SULT4A1: variants seen among roughly 807,000 people sequenced by gnomAD.
The protein encoded by SULT4A1 is sulfotransferase 4A1.
In SULT4A1, 11 loss-of-function variants were observed where a neutral mutation model predicts 35.2. The ratio of observed to expected loss-of-function variants is 0.31; its 90% CI spans 0.20 to 0.52. SULT4A1 has a LOEUF of 0.52. SULT4A1 is among the 20% of genes least tolerant of loss of function. The probability of loss-of-function intolerance (pLI) is 0.97; values close to 1 mark genes in which losing one functional copy is unlikely to be tolerated. For missense variants in SULT4A1, 271 were observed against 383.7 expected, an observed-to-expected ratio of 0.71 and a Z score of 2.45; for synonymous variants, 152 against 151.8, an observed-to-expected ratio of 1.00 and a Z score of -0.01.
intron 1 of SULT4A1, among the ~76,000 whole-genome samples, chr22:43,861,865 C>CA (rs1309331606): frequency 6.6e-6 from 1 of 152,240 alleles, no homozygotes; most frequent in Non-Finnish European, 1.5e-5. Flanking sequence ...GTGACCTGTC[C>CA]AAGGTCACAC....
chr22:43,839,841 C>A, intron 3 of SULT4A1, 104 bp downstream of exon 3: 1 of 1,125,770 alleles, frequency 8.9e-7, no homozygotes, highest in Non-Finnish European at 1.3e-6. Flanking sequence ...AAGACAGCCC[C>A]CAAGGCCAGG....
chr22:43,829,672 G>A lies in SULT4A1; in HGVS notation c.604-474C>T, dbSNP rs1010421694. The stretch of plus-strand genomic sequence containing the variant: ...CCCGCTTCATCACAGGCAAGATTCC[G>A]TCATGCCTGCCATACCCTGCCCCAT... On this transcript the variant is annotated intron_variant, in intron 5 of 6. Coordinates refer to ENST00000330884, the MANE Select transcript of SULT4A1 (RefSeq NM_014351.4). 8.5e-5 allele frequency among the ~76,000 whole-genome samples: 13 copies of A among 152,296 alleles called. No individual in the cohort carries two copies. In the East Asian group the frequency reaches 1.4e-3, roughly 16 times the overall value.
At chr22:43,830,740 G>A (rs538039701) in intron 5 of SULT4A1, among the ~76,000 whole-genome samples, 11 of 152,148 alleles carry the variant, frequency 7.2e-5, no homozygotes, top group South Asian at 2.1e-4. Context: ...CACAGTGCCC[G>A]GCTCGTGGGA....
chr22:43,842,941 C>T (rs1299279162), intron 1 of SULT4A1, among the ~76,000 whole-genome samples: 2 of 151,338 alleles, frequency 1.3e-5, no homozygotes, highest in African/African-American at 4.9e-5. Flanking sequence ...TATTGGACCA[C>T]TCCAGGCCTT....
chr22:43,844,110 C>T (rs1254348751), intron 1 of SULT4A1, among the ~76,000 whole-genome samples: 1 of 152,206 alleles, frequency 6.6e-6, no homozygotes, highest in Non-Finnish European at 1.5e-5. Context: ...CTGTCCGCCA[C>T]AGGAGGCCTC....
intron 1 of SULT4A1, among the ~76,000 whole-genome samples, chr22:43,846,363 A>G (rs776212190): frequency 7.2e-5 from 11 of 152,192 alleles, no homozygotes; most frequent in Non-Finnish European, 1.5e-4. Context: ...ATTCTTTTAC[A>G]TGCTCTCTCC....
chr22:43,858,048 T>G (rs1227622663), intron 1 of SULT4A1, among the ~76,000 whole-genome samples: 1 of 14,428 alleles, frequency 6.9e-5, no homozygotes, highest in African/African-American at 2.6e-4. Flanking sequence ...AGATCCTGTC[T>G]CAAAAAAAAA....
chr22:43,837,340 G>A (rs1383254552), intron 4 of SULT4A1, among the ~76,000 whole-genome samples: 3 of 152,222 alleles, frequency 2.0e-5, no homozygotes, highest in African/African-American at 7.2e-5. Context: ...TAACTGCTCT[G>A]GCCTGAGCAA....
intron 3 of SULT4A1, among the ~76,000 whole-genome samples, 197 bp downstream of exon 3, chr22:43,839,748 G>A (rs769549823): frequency 2.6e-5 from 4 of 152,134 alleles, no homozygotes; most frequent in African/African-American, 9.7e-5. Context: ...AAACCAACCC[G>A]TCGTTAAAAA....
intron 5 of SULT4A1, among the ~76,000 whole-genome samples, chr22:43,830,714 T>C (rs947000420): frequency 1.3e-5 from 2 of 152,176 alleles, no homozygotes; most frequent in African/African-American, 4.8e-5. Context: ...AGTGGGAATA[T>C]ACCCGGGGTG....
At chr22:43,826,228 G>C in intron 6 of SULT4A1, 115 bp from the exon 7 acceptor site, 1 of 1,512,484 alleles carries the variant, frequency 6.6e-7, no homozygotes, top group Non-Finnish European at 8.8e-7. Flanking sequence ...GGATCCCTTT[G>C]AACTTGGCCT....
In SULT4A1 at chr22:43,849,258, T is replaced by A. The variant is rs111518228; in HGVS notation, c.170-7326A>T. Among the ~76,000 whole-genome samples, 332 of 152,250 alleles carry A rather than the reference T, an allele frequency of 2.2e-3. 3 individuals are homozygous for A. Among genetic ancestry groups the A allele is most frequent in the African/African-American group, 7.4e-3 (309 of 41,536 alleles). On this transcript the variant is annotated intron_variant, in intron 1 of 6. Coordinates refer to ENST00000330884, the MANE Select transcript of SULT4A1 (RefSeq NM_014351.4). ...AACCCTCTGATTTTCACTCACAGGA[T>A]TCACCAGTTGCACCTGTGATAGGGA... is the stretch of plus-strand genomic sequence containing the variant.
intron 1 of SULT4A1, among the ~76,000 whole-genome samples, chr22:43,852,937 A>C (rs954453374): frequency 3.9e-5 from 6 of 152,024 alleles, no homozygotes; most frequent in Non-Finnish European, 1.5e-5. Context: ...CAGGGATGGA[A>C]TGTCCAGGGC....
intron 5 of SULT4A1, among the ~76,000 whole-genome samples, chr22:43,831,071 C>T (rs2063321829): frequency 6.6e-6 from 1 of 152,218 alleles, no homozygotes. Flanking sequence ...GAAGTCCCAG[C>T]ACTGACCCCG....
At chr22:43,833,788 C>T (rs2063343051) in intron 4 of SULT4A1, 54 bp from the exon 5 acceptor site, 1 of 1,454,396 alleles carries the variant, frequency 6.9e-7, no homozygotes, top group Non-Finnish European at 9.4e-7. Context: ...GAAGCGCACA[C>T]ATGGGGCCAT....
intron 1 of SULT4A1, among the ~76,000 whole-genome samples, chr22:43,844,606 C>A (rs2063460214): frequency 1.3e-5 from 2 of 152,240 alleles, no homozygotes; most frequent in South Asian, 4.1e-4. Flanking sequence ...CAATCATTTA[C>A]TGAGGCCCTC....
chr22:43,832,613 C>G (rs1005341102), intron 5 of SULT4A1, among the ~76,000 whole-genome samples: 1 of 151,896 alleles, frequency 6.6e-6, no homozygotes. Context: ...ACAACGCACA[C>G]ACCCCCACCC....
At position 43,829,064 on chromosome 22, in the gene SULT4A1, G is replaced by A; in HGVS notation, c.738C>T (p.Gly246=). 1 of 1,527,720 alleles carries A rather than the reference G, an allele frequency of 6.5e-7. No homozygotes were observed. The highest frequency in any genetic ancestry group is 8.8e-7 in the Non-Finnish European group (1 of 1,132,424). The allele number at this position is 1,527,720 out of a possible 1,614,324, so 94.6% of individuals were successfully genotyped here. A position where few individuals can be genotyped will look rare whatever the true frequency, so the allele number is the denominator to read the frequency against. Residue 246 remains glycine, a synonymous_variant, in exon 6 of 7, where the codon GGC becomes GGT. Coordinates refer to ENST00000330884, the MANE Select transcript of SULT4A1 (RefSeq NM_014351.4). ...QCCNAEALPV[G]RGRVGLWKDI... ...GAGGCAGGGTGGGGCACGTACCCCG[G>A]CCCACGGGCAGGGCCTCAGCGTTGC... is the stretch of plus-strand genomic sequence containing the variant.
At chr22:43,857,591 G>A (rs1429884816) in intron 1 of SULT4A1, among the ~76,000 whole-genome samples, 2 of 152,132 alleles carry the variant, frequency 1.3e-5, no homozygotes, top group Non-Finnish European at 2.9e-5. Context: ...AAGAGGCTTA[G>A]AGGAATCCCA....
Sources: gnomAD v4.1 joint callset for allele counts (sites outside exome capture counted in the v4.1 genomes callset) on GRCh38, gnomAD v4.1.1 for gene constraint, MANE v1.5 for transcripts, NCBI Gene and HGNC (gene_info 2026-07-23, HGNC 2026-07-21) for gene names.